SNX9: variants seen among roughly 807,000 people sequenced by gnomAD.
SNX9 encodes sorting nexin 9, also known as sorting nexin-9.
In SNX9, 44 loss-of-function variants were observed where a neutral mutation model predicts 89.4. That is an observed-to-expected ratio of 0.49 (90% confidence interval 0.39 to 0.63). The LOEUF (loss-of-function observed/expected upper bound fraction) is 0.63. SNX9 is among the 30% of genes least tolerant of loss of function. The probability of loss-of-function intolerance (pLI) is 0.00; values close to 1 mark genes in which losing one functional copy is unlikely to be tolerated. For missense variants in SNX9, 578 were observed against 736.1 expected, an observed-to-expected ratio of 0.79 and a Z score of 2.49; for synonymous variants, 236 against 247.8, an observed-to-expected ratio of 0.95 and a Z score of 0.45.
intron 1 of SNX9, among the ~76,000 whole-genome samples, chr6:157,851,036 A>G (rs1282052938): frequency 6.6e-6 from 1 of 152,140 alleles, no homozygotes; most frequent in African/African-American, 2.4e-5. Flanking sequence ...TGAGTGAATC[A>G]CTTGAGGCCA....
chr6:157,883,070 A>G (rs931761211), intron 4 of SNX9, among the ~76,000 whole-genome samples: 2 of 151,988 alleles, frequency 1.3e-5, no homozygotes, highest in Non-Finnish European at 2.9e-5. Flanking sequence ...AGCCACCCCA[A>G]CCTTCAGCAA....
At chr6:157,905,669 A>G (rs1266724960) in intron 6 of SNX9, among the ~76,000 whole-genome samples, 2 of 152,148 alleles carry the variant, frequency 1.3e-5, no homozygotes, top group Non-Finnish European at 2.9e-5. Context: ...GATGAGCAGG[A>G]CAGCCCCTTT....
chr6:157,852,916 C>G (rs1043225693), intron 1 of SNX9, among the ~76,000 whole-genome samples: 1 of 152,094 alleles, frequency 6.6e-6, no homozygotes, highest in Admixed American at 6.6e-5. Context: ...ATTATAGACT[C>G]CAGAATATGT....
chr6:157,911,789 C>T (rs951173757), intron 9 of SNX9, among the ~76,000 whole-genome samples: 3 of 151,906 alleles, frequency 2.0e-5, no homozygotes, highest in Admixed American at 6.6e-5. Flanking sequence ...TTTATTTTTC[C>T]CTGAAGTGTT....
chr6:157,870,259 C>T (rs981304581), intron 2 of SNX9, among the ~76,000 whole-genome samples: 1 of 149,362 alleles, frequency 6.7e-6, no homozygotes, highest in Non-Finnish European at 1.5e-5. Context: ...CCTGCTCTCT[C>T]ACATCCCCAC....
At chr6:157,851,243 G>A (rs1457752151) in intron 1 of SNX9, among the ~76,000 whole-genome samples, 1 of 147,770 alleles carries the variant, frequency 6.8e-6, no homozygotes, top group East Asian at 2.0e-4. Flanking sequence ...GGGTGACAGA[G>A]CAAGATGGTC....
chr6:157,926,022 A>C (rs1195132025), intron 10 of SNX9, among the ~76,000 whole-genome samples: 1 of 152,222 alleles, frequency 6.6e-6, no homozygotes, highest in Admixed American at 6.5e-5. Flanking sequence ...CCCTTTTATC[A>C]GGATGCTAAT....
At position 157,941,044 on chromosome 6, in the gene SNX9, GTAAAGT is replaced by G. The variant is rs1784026349; in HGVS notation, c.1740+74_1740+79del. 11 of 1,324,748 alleles carry G rather than the reference GTAAAGT, an allele frequency of 8.3e-6. No individual in the cohort carries two copies. In the Admixed American group the frequency reaches 1.9e-4, roughly 23 times the overall value. The allele number at this position is 1,324,748 out of a possible 1,614,324, so 82.1% of individuals were successfully genotyped here. A position where few individuals can be genotyped will look rare whatever the true frequency, so the allele number is the denominator to read the frequency against. On this transcript the variant is annotated intron_variant, in intron 17 of 17. Transcript: ENST00000392185. ...GTTCCTGGTAAACCACTTTGACCAT[GTAAAGT>G]TAATCTGTTTGTATTCTTTAATCCT...
chr6:157,916,873 T>C (rs961634698), intron 9 of SNX9, among the ~76,000 whole-genome samples: 1 of 152,194 alleles, frequency 6.6e-6, no homozygotes, highest in African/African-American at 2.4e-5. Flanking sequence ...GGTCTATAGT[T>C]TTCTTGTAAT....
intron 13 of SNX9, among the ~76,000 whole-genome samples, chr6:157,932,682 A>G (rs1012593767): frequency 6.6e-6 from 1 of 151,750 alleles, no homozygotes; most frequent in Non-Finnish European, 1.5e-5. Context: ...CCTGGGCAAC[A>G]TGGTGAGACC....
At position 157,921,634 on chromosome 6, in the gene SNX9, G is replaced by A. The variant is rs1382255652; in HGVS notation, c.1053G>A (p.Gln351=). 6.2e-7 allele frequency: 1 copy of A among 1,613,910 alleles called. No individual in the cohort carries two copies. The change falls in exon 10 of 18, where the codon CAG becomes CAA. Residue 351 remains glutamine, a synonymous_variant. Coordinates refer to ENST00000392185, the MANE Select transcript of SNX9 (RefSeq NM_016224.5). Reference sequence around the variant, plus strand: ...TAATCTCAGAAAGTGAAGTTTTCCAGCAGTTCCTAAATTTCCGAGATGAGA... The same window carrying A: ...TAATCTCAGAAAGTGAAGTTTTCCAACAGTTCCTAAATTTCCGAGATGAGA... ...HPVISESEVF[Q]QFLNFRDEKE... is the part of the protein sequence containing the mutation.
intron 4 of SNX9, chr6:157,885,080 C>A (rs1782706114): frequency 6.6e-6 from 1 of 152,170 alleles, no homozygotes; most frequent in African/African-American, 2.4e-5. Context: ...ACTCTCTAAG[C>A]TAATACAAAC....
At chr6:157,874,990 C>T (rs17455079) in intron 3 of SNX9, 61 bp from the exon 4 acceptor site, 4 of 1,551,400 alleles carry the variant, frequency 2.6e-6, no homozygotes, top group East Asian at 2.3e-5. Context: ...TGCTTGCCCT[C>T]GAAGACTCCC....
At chr6:157,916,191 C>A (rs181990557) in intron 9 of SNX9, among the ~76,000 whole-genome samples, 5 of 152,052 alleles carry the variant, frequency 3.3e-5, no homozygotes, top group African/African-American at 1.2e-4. Flanking sequence ...CCCGCCACCA[C>A]GCCCTGCTAA....
Position 157,940,987 on chromosome 6 carries a change from C to T in SNX9, c.1740+13C>T. On this transcript the variant is annotated intron_variant, in intron 17 of 17. Coordinates refer to ENST00000392185, the MANE Select transcript of SNX9 (RefSeq NM_016224.5). Reference sequence around the variant, plus strand: ...ATTTTACGAAACGGTGAGTGGGCGTCCACGTGCCTTTCGCATGTGCTTGAG... The same window carrying T: ...ATTTTACGAAACGGTGAGTGGGCGTTCACGTGCCTTTCGCATGTGCTTGAG... 6.2e-7 allele frequency: 1 copy of T among 1,612,198 alleles called. No individual in the cohort carries two copies. The highest frequency in any genetic ancestry group is 8.5e-7 in the Non-Finnish European group (1 of 1,178,220).
intron 1 of SNX9, among the ~76,000 whole-genome samples, chr6:157,826,935 A>C: frequency 1.1e-5 from 1 of 89,958 alleles, no homozygotes; most frequent in Non-Finnish European, 1.9e-5. Context: ...TAGTTTATAT[A>C]ATATATAAAA....
intron 1 of SNX9, among the ~76,000 whole-genome samples, chr6:157,837,503 T>G (rs1016268623): frequency 3.9e-5 from 6 of 152,222 alleles, no homozygotes; most frequent in African/African-American, 1.4e-4. Flanking sequence ...TAAATCCAGT[T>G]TTTAATGTTA....
At chr6:157,903,666 C>T (rs1783152568) in intron 6 of SNX9, among the ~76,000 whole-genome samples, 1 of 152,232 alleles carries the variant, frequency 6.6e-6, no homozygotes, top group African/African-American at 2.4e-5. Flanking sequence ...GTTTTCATGG[C>T]TGATGAGTGA....
chr6:157,839,800 C>T (rs939110390), intron 1 of SNX9, among the ~76,000 whole-genome samples: 3 of 152,112 alleles, frequency 2.0e-5, no homozygotes, highest in African/African-American at 7.2e-5. Flanking sequence ...TCCTGCCCCT[C>T]AGTTTAGTAA....
Sources: gnomAD v4.1 joint callset for allele counts (sites outside exome capture counted in the v4.1 genomes callset) on GRCh38, gnomAD v4.1.1 for gene constraint, MANE v1.5 for transcripts, NCBI Gene and HGNC (gene_info 2026-07-23, HGNC 2026-07-21) for gene names.